Variants in ADAMTS10 observed in about 807,000 individuals in gnomAD.
The protein encoded by ADAMTS10 is ADAM metallopeptidase with thrombospondin type 1 motif 10, also known as A disintegrin and metalloproteinase with thrombospondin motifs 10.
Under a neutral mutation model 135.9 loss-of-function variants are expected in ADAMTS10, and 48 were observed. That is an observed-to-expected ratio of 0.35 (90% CI 0.28 to 0.45). The LOEUF is 0.45. Among genes scored for constraint, ADAMTS10 ranks in the 20% least tolerant of loss-of-function variants. The probability of loss-of-function intolerance (pLI) is 1.00; values close to 1 mark genes in which losing one functional copy is unlikely to be tolerated. For missense variants in ADAMTS10, 1,131 were observed against 1,565.2 expected, an observed-to-expected ratio of 0.72 and a Z score of 4.68; for synonymous variants, 621 against 647.5, an observed-to-expected ratio of 0.96 and a Z score of 0.62.
In ADAMTS10 at chr19:8,580,851, G is replaced by GCGGAGACCCCGCCAGCTGTGGCTC; in HGVS notation, c.*18_*41dup. ...TGGCCGGCCCGCTGCAGGGCTGGCG[G>GCGGAGACCCCGCCAGCTGTGGCTC]CGGAGACCCCGCCAGCTGTGGCTCC... On this transcript the variant is annotated 3_prime_UTR_variant, in exon 26 of 26. Transcript: ENST00000597188. The GCGGAGACCCCGCCAGCTGTGGCTC allele has an allele frequency of 6.6e-7, 1 of 1,506,914 alleles. No homozygotes were observed. The highest frequency in any genetic ancestry group is 9.0e-7 in the Non-Finnish European group (1 of 1,106,558). 93.3% of individuals were successfully genotyped at this position (1,506,914 alleles called of 1,614,324 possible).
intron 6 of ADAMTS10, among the ~76,000 whole-genome samples, 179 bp from the exon 7 acceptor site, chr19:8,597,496 T>A (rs896948140): frequency 2.0e-4 from 30 of 152,202 alleles, no homozygotes; most frequent in Non-Finnish European, 4.0e-4. Flanking sequence ...GGTCTTGGTA[T>A]GTTGCTCAGG....
At chr19:8,595,646 C>A (rs1418095343) in intron 12 of ADAMTS10, 116 bp downstream of exon 12, 3 of 1,525,922 alleles carry the variant, frequency 2.0e-6, no homozygotes, top group East Asian at 4.5e-5. Flanking sequence ...ACCTCACCCC[C>A]CTTCCCGGTT....
At chr19:8,592,451 G>A (rs2042548468) in intron 13 of ADAMTS10, among the ~76,000 whole-genome samples, 1 of 151,824 alleles carries the variant, frequency 6.6e-6, no homozygotes. Context: ...GGATGGGCGT[G>A]GCCAATGAGG....
intron 18 of ADAMTS10, among the ~76,000 whole-genome samples, chr19:8,588,434 A>T (rs1271314777): frequency 6.6e-6 from 1 of 151,320 alleles, no homozygotes; most frequent in Non-Finnish European, 1.5e-5. Context: ...CCCCAATGGG[A>T]CTCTACCTGG....
rs782159931 is a variant in ADAMTS10, at chr19:8,596,412, C to T, written c.1085G>A (p.Gly362Asp). 6.2e-7 allele frequency: 1 copy of T among 1,613,586 alleles called. No individual in the cohort carries two copies. The highest frequency in any genetic ancestry group is 1.3e-5 in the African/African-American group (1 of 74,932). ...ACACATTCCGCCCACCGGGGCCAGG[C>T]CTGGGAAGACGGACATGTGGGGATG... ...IYKNKPCGTL[G>D]LAPVGGMCER... The change falls in exon 10 of 26, where the codon GGC becomes GAC. Residue 362 changes from glycine (G) to aspartate (D), a missense_variant and splice_region_variant. By Grantham distance (94) the Gly-to-Asp change is moderately conservative. This residue lies in a region of ADAMTS10 where 80 missense variants were observed against 164.4 expected (regional missense o/e 0.49). Coordinates refer to ENST00000597188, the MANE Select transcript of ADAMTS10 (RefSeq NM_030957.4). This position sits in a 1 kb window ranked among gnomAD's most constrained non-coding sequence, Gnocchi z 7.2.
chr19:8,589,411 G>A (rs781999418), intron 17 of ADAMTS10, 41 bp downstream of exon 17: 53 of 513,516 alleles, frequency 1.0e-4, no homozygotes, highest in South Asian at 8.9e-4. Flanking sequence ...ACCCACCCCC[G>A]CTCCCCATCC....
In ADAMTS10 at chr19:8,605,942, C is replaced by G. The variant is rs549153047; in HGVS notation, c.-99-133G>C. ...ATGCATTTTCTCACTCAGTCACTCC[C>G]CTCTCCCCACCTCCCCTTCCAATCC... On this transcript the variant is annotated intron_variant, in intron 2 of 25. Transcript: ENST00000597188. This position sits in a 1 kb window ranked among gnomAD's most constrained non-coding sequence, Gnocchi z 7.7. The G allele has an allele frequency of 3.5e-4, 286 of 813,618 alleles. 5 individuals are homozygous for G. In the South Asian group the frequency reaches 5.0e-3, roughly 14 times the overall value. The allele number at this position is 813,618 out of a possible 1,614,324, so 50.4% of individuals were successfully genotyped here. A position where few individuals can be genotyped will look rare whatever the true frequency, so the allele number is the denominator to read the frequency against.
chr19:8,585,972 A>G (rs1555736969), intron 22 of ADAMTS10, 150 bp downstream of exon 22: 2 of 1,359,676 alleles, frequency 1.5e-6, no homozygotes, highest in African/African-American at 2.9e-5. Context: ...ACTCCCCCAT[A>G]ACTCCTATAG....
chr19:8,604,093 C>T (rs2042694969), intron 4 of ADAMTS10, among the ~76,000 whole-genome samples: 1 of 151,576 alleles, frequency 6.6e-6, no homozygotes, highest in African/African-American at 2.4e-5. Flanking sequence ...CTCTGTCATC[C>T]AGGCTGGAGT....
In ADAMTS10 at chr19:8,580,702, G is replaced by C. The variant is rs565759929; in HGVS notation, c.*191C>G. 29 of 588,602 alleles carry C rather than the reference G, an allele frequency of 4.9e-5. No individual in the cohort carries two copies. The South Asian group carries it at 5.6e-4, about 11-fold the overall frequency. 36.5% of individuals were successfully genotyped at this position (588,602 alleles called of 1,614,324 possible). On this transcript the variant is annotated 3_prime_UTR_variant, in exon 26 of 26. Transcript: ENST00000597188. ...TGGAAGGGGCGGATGCTGAAGAGGG[G>C]CTCTGGGGGGATAGCCAGCCCCTCT...
intron 6 of ADAMTS10, among the ~76,000 whole-genome samples, chr19:8,600,285 C>A (rs1376543147): frequency 6.6e-6 from 1 of 152,122 alleles, no homozygotes; most frequent in Non-Finnish European, 1.5e-5. Context: ...GTAACTTGCT[C>A]AAAGGCAGAC....
At chr19:8,592,726 G>A (rs1555739375) in intron 13 of ADAMTS10, 37 bp downstream of exon 13, 1 of 1,583,428 alleles carries the variant, frequency 6.3e-7, no homozygotes, top group Non-Finnish European at 8.6e-7. Flanking sequence ...GTGGCTCAGG[G>A]GGCGTGGCCC....
At chr19:8,595,348 C>T (rs529591583) in intron 12 of ADAMTS10, among the ~76,000 whole-genome samples, 2 of 152,270 alleles carry the variant, frequency 1.3e-5, no homozygotes, top group East Asian at 3.9e-4. Context: ...AAGGTTCTGT[C>T]TAGTTCTTTG....
At position 8,592,154 on chromosome 19, in the gene ADAMTS10, C is replaced by A. The variant is rs782147933; in HGVS notation, c.1588-51G>T. The A allele has an allele frequency of 3.1e-6, 5 of 1,612,660 alleles. No individual in the cohort carries two copies. In the African/African-American group the frequency reaches 6.7e-5, roughly 21 times the overall value. ...TGAGTCCAGCCCGGAGGACACTCGT[C>A]GGCCCCATGCACCGTTCCCCACTCC... On this transcript the variant is annotated intron_variant, in intron 13 of 25. Transcript: ENST00000597188.
chr19:8,606,177 C>T (rs891378769), intron 2 of ADAMTS10, among the ~76,000 whole-genome samples: 13 of 152,218 alleles, frequency 8.5e-5, no homozygotes, highest in Admixed American at 3.3e-4. Flanking sequence ...CCTCCTGCTT[C>T]AGCCTCCCAA....
intron 25 of ADAMTS10, among the ~76,000 whole-genome samples, chr19:8,581,835 A>AC (rs2042354899): frequency 6.7e-6 from 1 of 149,794 alleles, no homozygotes. Context: ...ACTCTGTCAC[A>AC]AAACAAAACA....
At chr19:8,595,075 C>T (rs1555739851) in intron 12 of ADAMTS10, among the ~76,000 whole-genome samples, 1 of 152,148 alleles carries the variant, frequency 6.6e-6, no homozygotes, top group Non-Finnish European at 1.5e-5. Flanking sequence ...ACCTGGGCCC[C>T]TAGGGCTGAG....
At chr19:8,586,514 C>T (rs781842678) in intron 20 of ADAMTS10, 44 bp from the exon 21 acceptor site, 7 of 1,613,176 alleles carry the variant, frequency 4.3e-6, no homozygotes, top group Non-Finnish European at 5.1e-6. Context: ...CGCATGGAGT[C>T]TCTAATTCCA....
At chr19:8,595,431 C>T (rs528655674) in intron 12 of ADAMTS10, among the ~76,000 whole-genome samples, 16 of 152,236 alleles carry the variant, frequency 1.1e-4, no homozygotes, top group Non-Finnish European at 1.5e-5. Flanking sequence ...AAAAACTGCC[C>T]CGTGAGAGGT....
Sources: gnomAD v4.1 joint callset for allele counts (sites outside exome capture counted in the v4.1 genomes callset) on GRCh38, gnomAD v4.1.1 for gene constraint, gnomAD v4.1.1 regional missense constraint, Gnocchi (gnomAD v3.1) non-coding constraint, MANE v1.5 for transcripts, NCBI Gene and HGNC (gene_info 2026-07-23, HGNC 2026-07-21) for gene names.